FARP2: variants seen among roughly 807,000 people sequenced by gnomAD.
FARP2 encodes the protein FERM, ARH/RhoGEF and pleckstrin domain protein 2.
Under a neutral mutation model 130.5 loss-of-function variants are expected in FARP2, and 111 were observed. The observed-to-expected ratio is 0.85, with a 90% CI of 0.73 to 1.00. FARP2 has a LOEUF of 1.00. Ranked by LOEUF, FARP2 falls within the 50% of genes least tolerant of loss-of-function variation. The pLI is 0.00. For missense variants in FARP2, 1,385 were observed against 1,346.3 expected, an observed-to-expected ratio of 1.03 and a Z score of -0.45; for synonymous variants, 504 against 516.9, an observed-to-expected ratio of 0.98 and a Z score of 0.34.
chr2:241,385,375 T>C (rs981822976), intron 2 of FARP2, among the ~76,000 whole-genome samples: 1 of 152,156 alleles, frequency 6.6e-6, no homozygotes, highest in African/African-American at 2.4e-5. Flanking sequence ...GAAAATTTTT[T>C]AATATATTTC....
At position 241,403,821 on chromosome 2, in the gene FARP2, T is replaced by C; in HGVS notation, c.184-7T>C. 2.5e-6 allele frequency: 4 copies of C among 1,596,626 alleles called. No individual in the cohort carries two copies. Among genetic ancestry groups the C allele is most frequent in the Middle Eastern group, 1.7e-4 (1 of 6,036 alleles). On this transcript the variant is annotated splice_region_variant and splice_polypyrimidine_tract_variant and intron_variant, in intron 2 of 26. Transcript: ENST00000264042. ...CCTTGTTATTTTTCCCATCTCTCTCTGCACAGCCTAAATGCGATGGCCAGG... is the reference window on the plus strand; with the variant it reads ...CCTTGTTATTTTTCCCATCTCTCTCCGCACAGCCTAAATGCGATGGCCAGG...
chr2:241,405,724 A>G (rs1405141925), intron 4 of FARP2, among the ~76,000 whole-genome samples: 1 of 152,220 alleles, frequency 6.6e-6, no homozygotes, highest in Non-Finnish European at 1.5e-5. Context: ...ACCTGAGGTC[A>G]GGAGTTCGAG....
chr2:241,474,516 C>T (rs958635295), intron 18 of FARP2, among the ~76,000 whole-genome samples: 9 of 151,422 alleles, frequency 5.9e-5, no homozygotes, highest in Non-Finnish European at 1.2e-4. Context: ...GGTGGCCGGG[C>T]ATGGTGGGTC....
chr2:241,389,369 C>T (rs987586284), intron 2 of FARP2, among the ~76,000 whole-genome samples: 1 of 152,228 alleles, frequency 6.6e-6, no homozygotes, highest in African/African-American at 2.4e-5. Flanking sequence ...TCCTCTCTCT[C>T]TGTGCTACTC....
intron 2 of FARP2, among the ~76,000 whole-genome samples, chr2:241,401,510 A>G (rs1425621673): frequency 1.3e-5 from 2 of 151,998 alleles, no homozygotes; most frequent in Admixed American, 1.3e-4. Flanking sequence ...ATAGAAATGG[A>G]GGCCTTTTTT....
chr2:241,381,710 T>C (rs1288998892), intron 2 of FARP2, among the ~76,000 whole-genome samples: 1 of 152,256 alleles, frequency 6.6e-6, no homozygotes, highest in Non-Finnish European at 1.5e-5. Context: ...TACAGTGATC[T>C]CTGTTCTTTG....
chr2:241,448,269 A>G (rs1206477624), intron 13 of FARP2, among the ~76,000 whole-genome samples: 1 of 151,698 alleles, frequency 6.6e-6, no homozygotes, highest in Non-Finnish European at 1.5e-5. Context: ...TCCGCTGCCT[A>G]AGGATGAAGT....
intron 14 of FARP2, among the ~76,000 whole-genome samples, chr2:241,461,503 C>T (rs1227388332): frequency 2.0e-5 from 3 of 152,224 alleles, no homozygotes; most frequent in African/African-American, 7.2e-5. Flanking sequence ...CTGACCTGTC[C>T]CACAGGCTGC....
rs546759457 is a variant in FARP2 at position 241,491,497 on chromosome 2, G to T, written c.2624-19G>T. On this transcript the variant is annotated intron_variant, in intron 23 of 26. Transcript: ENST00000264042. ...GGCCACAGGGGGTTCCCCCTGAGAC[G>T]CTGCTGACTTCTCCCCAGGATCCCC... is the stretch of plus-strand genomic sequence containing the variant. The T allele has an allele frequency of 3.1e-6, 5 of 1,612,498 alleles. No individual in the cohort carries two copies. The African/African-American group carries it at 4.0e-5, about 13-fold the overall frequency.
Position 241,393,578 on chromosome 2 carries a change from T to A in FARP2, c.184-10250T>A, listed in dbSNP as rs368258911. ...AAATCTTAAGTAATGAAACTTACAG[T>A]ACAGATATGAATTATATAATAGGAG... On this transcript the variant is annotated intron_variant, in intron 2 of 26. Coordinates refer to ENST00000264042, the MANE Select transcript of FARP2 (RefSeq NM_014808.4). Among the ~76,000 whole-genome samples, 27 of 152,288 alleles carry A rather than the reference T, an allele frequency of 1.8e-4. No individual in the cohort carries two copies. The East Asian group carries it at 4.4e-3, about 25-fold the overall frequency.
chr2:241,368,471 TAATA>T (rs2061360895), intron 1 of FARP2, among the ~76,000 whole-genome samples: 1 of 152,144 alleles, frequency 6.6e-6, no homozygotes, highest in Non-Finnish European at 1.5e-5. Flanking sequence ...CTTGCCTCTT[TAATA>T]CTTGTTTATA....
chr2:241,362,052 G>A lies in FARP2; in HGVS notation c.-25+5664G>A, dbSNP rs373606025. ...TGGGATTACAGGCACACGCCACCAC[G>A]CCCAGCCAATTTTTTTGTATTTTTA... On this transcript the variant is annotated intron_variant, in intron 1 of 26. Transcript: ENST00000264042. 9.2e-5 allele frequency among the ~76,000 whole-genome samples: 14 copies of A among 151,668 alleles called. No individual in the cohort carries two copies. The East Asian group carries it at 1.4e-3, about 15-fold the overall frequency.
At chr2:241,439,156 C>T (rs576314458) in intron 12 of FARP2, among the ~76,000 whole-genome samples, 1 of 151,968 alleles carries the variant, frequency 6.6e-6, no homozygotes, top group Non-Finnish European at 1.5e-5. Context: ...GCTGAGACTA[C>T]AGGTGCATGC....
At chr2:241,478,859 T>TA (rs1559807897) in intron 19 of FARP2, 1 of 385,672 alleles carries the variant, frequency 2.6e-6, no homozygotes, top group Non-Finnish European at 5.0e-6. Flanking sequence ...TGGCTCTTCT[T>TA]ACAACTATGG....
In FARP2 at chr2:241,377,890, C is replaced by T. The variant is rs1366309276; in HGVS notation, c.183+4600C>T. ...ATACCTAGGAGTAGAATTGCTGGGTCACATGGGAAATCTAGGTCTAATCAT... is the reference window on the plus strand; with the variant it reads ...ATACCTAGGAGTAGAATTGCTGGGTTACATGGGAAATCTAGGTCTAATCAT... On this transcript the variant is annotated intron_variant, in intron 2 of 26. Transcript: ENST00000264042. Among the ~76,000 whole-genome samples, 9 of 152,258 alleles carry T rather than the reference C, an allele frequency of 5.9e-5. No homozygotes were observed. The East Asian group carries it at 1.5e-3, about 26-fold the overall frequency.
intron 8 of FARP2, among the ~76,000 whole-genome samples, chr2:241,427,970 G>C (rs1302040487): frequency 6.6e-6 from 1 of 151,998 alleles, no homozygotes; most frequent in African/African-American, 2.4e-5. Flanking sequence ...GTTTCACTGT[G>C]TTAGCCAGGA....
At chr2:241,458,584 C>G (rs142749869) in intron 14 of FARP2, among the ~76,000 whole-genome samples, 1 of 152,066 alleles carries the variant, frequency 6.6e-6, no homozygotes, top group Non-Finnish European at 1.5e-5. Flanking sequence ...AGGGCTAGTT[C>G]TGGGCCCTGG....
chr2:241,362,549 G>A (rs1049890622), intron 1 of FARP2, among the ~76,000 whole-genome samples: 1 of 152,070 alleles, frequency 6.6e-6, no homozygotes, highest in African/African-American at 2.4e-5. Context: ...TTGCAGTGAG[G>A]CGAGATTGCG....
At chr2:241,476,707 A>G (rs952889365) in intron 19 of FARP2, among the ~76,000 whole-genome samples, 1 of 152,202 alleles carries the variant, frequency 6.6e-6, no homozygotes, top group Non-Finnish European at 1.5e-5. Context: ...AATAAATAAA[A>G]TAAAATAAAA....
Sources: gnomAD v4.1 joint callset for allele counts (sites outside exome capture counted in the v4.1 genomes callset) on GRCh38, gnomAD v4.1.1 for gene constraint, MANE v1.5 for transcripts, NCBI Gene and HGNC (gene_info 2026-07-23, HGNC 2026-07-21) for gene names.